RTCA: variants seen among roughly 807,000 people sequenced by gnomAD.
RTCA encodes RNA 3'-terminal phosphate cyclase.
RTCA carries 37 observed loss-of-function variants against 46.1 expected under a neutral mutation model. That is an observed-to-expected ratio of 0.80 (90% CI 0.62 to 1.06). The LOEUF (loss-of-function observed/expected upper bound fraction) is 1.06. RTCA is among the 50% of genes least tolerant of loss of function. The pLI is 0.00. For missense variants in RTCA, 435 were observed against 455.5 expected (o/e 0.95, Z 0.41); for synonymous variants, 164 against 158.3 (o/e 1.04, Z -0.27).
rs774500344 is a variant in RTCA, at chr1:100,291,541, TG to T, written c.*38del. 13 of 1,194,538 alleles carry T rather than the reference TG, an allele frequency of 1.1e-5. No individual in the cohort carries two copies. In the South Asian group the frequency reaches 1.7e-4, roughly 16 times the overall value. The allele number at this position is 1,194,538 out of a possible 1,614,324, so 74.0% of individuals were successfully genotyped here. A position where few individuals can be genotyped will look rare whatever the true frequency, so the allele number is the denominator to read the frequency against. Reference sequence around the variant, plus strand: ...CTTAAATGATACCTCATTGATATATTGCACTATTTCATAAATACTATAAAAT... The same window carrying T: ...CTTAAATGATACCTCATTGATATATTCACTATTTCATAAATACTATAAAAT... On this transcript the variant is annotated 3_prime_UTR_variant, in exon 11 of 11. Coordinates refer to ENST00000370128, the MANE Select transcript of RTCA (RefSeq NM_003729.4).
At chr1:100,275,143 C>A (rs1000594813) in intron 6 of RTCA, among the ~76,000 whole-genome samples, 178 bp downstream of exon 6, 7 of 152,118 alleles carry the variant, frequency 4.6e-5, no homozygotes, top group Non-Finnish European at 1.0e-4. Flanking sequence ...AATGTGGGAA[C>A]AGAAAACCAA....
At chr1:100,284,931 TTATAGGG>T (rs1326327065) in intron 8 of RTCA, among the ~76,000 whole-genome samples, 4 of 152,206 alleles carry the variant, frequency 2.6e-5, no homozygotes, top group Non-Finnish European at 1.5e-5. Context: ...AGGCATAGCA[TTATAGGG>T]TCATAACTTA....
Position 100,266,233 on chromosome 1 carries a change from C to A in RTCA, c.-143C>A. 3.1e-6 allele frequency: 3 copies of A among 982,230 alleles called. No homozygotes were observed. The highest frequency in any genetic ancestry group is 4.5e-6 in the Non-Finnish European group (3 of 670,144). The allele number at this position is 982,230 out of a possible 1,614,324, so 60.8% of individuals were successfully genotyped here. A position where few individuals can be genotyped will look rare whatever the true frequency, so the allele number is the denominator to read the frequency against. The stretch of plus-strand genomic sequence containing the variant: ...CTGACTCCAGTGTCCCGAGAGGCGC[C>A]GCTTCTTCCGCTTTCTCGTCAGGCT... On this transcript the variant is annotated 5_prime_UTR_variant, in exon 1 of 11. Transcript: ENST00000370128.
At chr1:100,279,534 G>C (rs369964461) in intron 8 of RTCA, among the ~76,000 whole-genome samples, 1 of 152,146 alleles carries the variant, frequency 6.6e-6, no homozygotes. Context: ...CAAGCTACTC[G>C]GGAGGCTGAA....
Position 100,273,472 on chromosome 1 carries a change from A to G in RTCA, c.473+20A>G. 1 of 1,492,442 alleles carries G rather than the reference A, an allele frequency of 6.7e-7. No homozygotes were observed. Among genetic ancestry groups the G allele is most frequent in the Non-Finnish European group, 9.2e-7 (1 of 1,086,968 alleles). 92.4% of individuals were successfully genotyped at this position (1,492,442 alleles called of 1,614,324 possible). On this transcript the variant is annotated intron_variant, in intron 5 of 10. Coordinates refer to ENST00000370128, the MANE Select transcript of RTCA (RefSeq NM_003729.4). Reference sequence around the variant, plus strand: ...AACAAGGTAAGTTGCTTGTTTCTTAAATGTTAGGATCTATTACTTACGCTA... The same window carrying G: ...AACAAGGTAAGTTGCTTGTTTCTTAGATGTTAGGATCTATTACTTACGCTA...
At chr1:100,267,450 A>G (rs1557971786) in intron 2 of RTCA, 1 of 1,446,312 alleles carries the variant, frequency 6.9e-7, no homozygotes. Flanking sequence ...CCATAACAAA[A>G]TGCCACACAC....
At chr1:100,281,336 CAG>C (rs761261667) in intron 8 of RTCA, 1 of 531,912 alleles carries the variant, frequency 1.9e-6, no homozygotes, top group South Asian at 1.4e-5. Flanking sequence ...GAGCACTAAA[CAG>C]AGAGTGAGAA....
chr1:100,270,125 A>C (rs1666001622), intron 3 of RTCA, among the ~76,000 whole-genome samples: 2 of 152,226 alleles, frequency 1.3e-5, no homozygotes, highest in Admixed American at 1.3e-4. Flanking sequence ...ATAGTAACTA[A>C]TCATATCCAG....
chr1:100,270,546 CT>C lies in RTCA; in HGVS notation c.291-9del. 6.2e-7 allele frequency: 1 copy of C among 1,607,290 alleles called. No individual in the cohort carries two copies. Among genetic ancestry groups the C allele is most frequent in the Non-Finnish European group, 8.5e-7 (1 of 1,178,150 alleles). The stretch of plus-strand genomic sequence containing the variant: ...GAAAATGAAAATAAGCCCCTTCTGC[CT>C]TCTCCTTAGGAGTGTGTGCCTCTTG... On this transcript the variant is annotated splice_polypyrimidine_tract_variant and intron_variant, in intron 3 of 10. Coordinates refer to ENST00000370128, the MANE Select transcript of RTCA (RefSeq NM_003729.4).
rs556318469 is a variant in RTCA, at chr1:100,285,141, A to C, written c.800-87A>C. 1.1e-5 allele frequency: 11 copies of C among 1,045,322 alleles called. No individual in the cohort carries two copies. In the African/African-American group the frequency reaches 1.6e-4, roughly 15 times the overall value. The allele number at this position is 1,045,322 out of a possible 1,614,324, so 64.8% of individuals were successfully genotyped here. ...GCCTAAAAATTGTATACCAGTGCTA[A>C]TTGGGATATACCAAACTTTTTGTCT... On this transcript the variant is annotated intron_variant, in intron 8 of 10. Coordinates refer to ENST00000370128, the MANE Select transcript of RTCA (RefSeq NM_003729.4).
At chr1:100,271,985 A>G (rs909211780) in intron 4 of RTCA, among the ~76,000 whole-genome samples, 1 of 152,172 alleles carries the variant, frequency 6.6e-6, no homozygotes, top group African/African-American at 2.4e-5. Context: ...TACATTTGAG[A>G]TTCATCCATG....
Position 100,273,375 on chromosome 1 carries a change from T to A in RTCA, c.415-19T>A. ...TGAATATTGCTGATTAACCTAATGATAAAAACTGATTTTTTCAGGTCTTCA... is the reference window on the plus strand; with the variant it reads ...TGAATATTGCTGATTAACCTAATGAAAAAAACTGATTTTTTCAGGTCTTCA... On this transcript the variant is annotated intron_variant, in intron 4 of 10. Transcript: ENST00000370128. The A allele has an allele frequency of 6.5e-7, 1 of 1,528,030 alleles. No individual in the cohort carries two copies. The highest frequency in any genetic ancestry group is 8.9e-7 in the Non-Finnish European group (1 of 1,117,534). 94.7% of individuals were successfully genotyped at this position (1,528,030 alleles called of 1,614,324 possible).
chr1:100,269,566 T>C (rs1037326160), intron 3 of RTCA, among the ~76,000 whole-genome samples: 2 of 152,074 alleles, frequency 1.3e-5, no homozygotes, highest in Non-Finnish European at 2.9e-5. Flanking sequence ...ACTCCTGGGC[T>C]CGAGTGATCA....
intron 10 of RTCA, among the ~76,000 whole-genome samples, chr1:100,290,985 A>G (rs1667322476): frequency 6.6e-6 from 1 of 152,214 alleles, no homozygotes; most frequent in African/African-American, 2.4e-5. Context: ...AAAAATGTAA[A>G]GAAATTAAAG....
intron 5 of RTCA, 120 bp from the exon 6 acceptor site, chr1:100,274,704 A>G: frequency 8.8e-7 from 1 of 1,134,814 alleles, no homozygotes; most frequent in South Asian, 2.2e-5. Flanking sequence ...GACCTAAAAT[A>G]TTTAGACCTT....
Position 100,277,253 on chromosome 1 carries a change from C to G in RTCA, c.741-5C>G. The G allele has an allele frequency of 6.2e-7, 1 of 1,612,492 alleles. No individual in the cohort carries two copies. ...AAGGTAGTAATAACTTTTTTTCTTGCATAGAATTATTGCTGAGACCTCCAC... is the reference window on the plus strand; with the variant it reads ...AAGGTAGTAATAACTTTTTTTCTTGGATAGAATTATTGCTGAGACCTCCAC... On this transcript the variant is annotated splice_polypyrimidine_tract_variant and splice_region_variant and intron_variant, in intron 7 of 10. Coordinates refer to ENST00000370128, the MANE Select transcript of RTCA (RefSeq NM_003729.4).
chr1:100,268,327 C>T (rs1179198189), intron 3 of RTCA, 32 bp downstream of exon 3: 4 of 1,543,162 alleles, frequency 2.6e-6, no homozygotes, highest in Non-Finnish European at 3.5e-6. Flanking sequence ...ATTTAAGTAA[C>T]CTGGGTTTAA....
Position 100,292,424 on chromosome 1 carries a change from TC to T in RTCA, c.*923del, listed in dbSNP as rs1164688070. On this transcript the variant is annotated 3_prime_UTR_variant, in exon 11 of 11. Transcript: ENST00000370128. ...TTGAAGTGATTCTCCAGCCTCAGCC[TC>T]CCGAGTAGCTGGGACTCCAGGCACG... 2.6e-5 allele frequency: 4 copies of T among 152,188 alleles called. No individual in the cohort carries two copies. The highest frequency in any genetic ancestry group is 4.4e-5 in the Non-Finnish European group (3 of 68,136). 9.4% of individuals were successfully genotyped at this position (152,188 alleles called of 1,614,324 possible).
rs540057209 is a variant in RTCA at position 100,267,918 on chromosome 1, G to T, written c.147-234G>T. On this transcript the variant is annotated intron_variant, in intron 2 of 10. Coordinates refer to ENST00000370128, the MANE Select transcript of RTCA (RefSeq NM_003729.4). ...TTCTAATTTGCAGCAATATATCAGG[G>T]TATGTATTTATAGTCAGAAATAACT... Among the ~76,000 whole-genome samples the T allele has an allele frequency of 5.2e-4, 79 of 152,192 alleles. No homozygotes were observed. The highest frequency in any genetic ancestry group is 4.6e-3 in the South Asian group (22 of 4,820).
Sources: allele counts gnomAD v4.1 joint callset (sites outside exome capture counted in the v4.1 genomes callset), GRCh38; gene constraint gnomAD v4.1.1; transcripts MANE v1.5; gene names NCBI Gene and HGNC (gene_info 2026-07-23, HGNC 2026-07-21).